BSCL2: variants seen among roughly 807,000 people sequenced by gnomAD.
BSCL2 encodes the protein BSCL2 lipid droplet biogenesis associated, seipin, also known as seipin.
In BSCL2, 41 loss-of-function variants were observed where a neutral mutation model predicts 57.4. The observed-to-expected ratio is 0.71, with a 90% CI of 0.56 to 0.93. BSCL2 has a LOEUF of 0.93. BSCL2 is among the 40% of genes least tolerant of loss of function. The probability of loss-of-function intolerance (pLI) is 0.00; values close to 1 mark genes in which losing one functional copy is unlikely to be tolerated. For synonymous variants in BSCL2, 237 were observed against 227.3 expected, an observed-to-expected ratio of 1.04 and a Z score of -0.38; for missense variants, 539 against 586.7, an observed-to-expected ratio of 0.92 and a Z score of 0.84.
intron 3 of BSCL2, among the ~76,000 whole-genome samples, chr11:62,700,530 A>G (rs1337465218): frequency 1.3e-5 from 2 of 152,164 alleles, no homozygotes; most frequent in Non-Finnish European, 2.9e-5. Flanking sequence ...AACCCCAGCT[A>G]CTTGGGAGGC....
intron 3 of BSCL2, among the ~76,000 whole-genome samples, chr11:62,695,608 G>T (rs1945432639): frequency 6.6e-6 from 1 of 150,872 alleles, no homozygotes; most frequent in Non-Finnish European, 1.5e-5. Context: ...CCACTCAGGA[G>T]GCTGAGGCAG....
At chr11:62,701,369 G>C (rs1486141262) in intron 3 of BSCL2, among the ~76,000 whole-genome samples, 1 of 152,084 alleles carries the variant, frequency 6.6e-6, no homozygotes, top group Non-Finnish European at 1.5e-5. Flanking sequence ...AGCTGAAAAC[G>C]CATTTAGTAC....
At position 62,692,803 on chromosome 11, in the gene BSCL2, G is replaced by A. The variant is rs768294248; in HGVS notation, c.631-6C>T. The A allele has an allele frequency of 6.3e-5, 102 of 1,612,662 alleles. No homozygotes were observed. Among genetic ancestry groups the A allele is most frequent in the East Asian group, 4.9e-4 (22 of 44,882 alleles). On this transcript the variant is annotated splice_region_variant and splice_polypyrimidine_tract_variant and intron_variant, in intron 4 of 10. Coordinates refer to ENST00000360796, the MANE Select transcript of BSCL2 (RefSeq NM_001122955.4). ...GAGCGGTAATGCAGCATCACCTGCC[G>A]GGGGTGGGAAGCAGAGGCTGGGGAC...
Position 62,692,301 on chromosome 11 carries a change from C to G in BSCL2, c.863+75G>C, listed in dbSNP as rs186533127. The G allele has an allele frequency of 1.4e-4, 212 of 1,483,650 alleles. 2 individuals are homozygous for G. The East Asian group carries it at 3.8e-3, about 27-fold the overall frequency. 91.9% of individuals were successfully genotyped at this position (1,483,650 alleles called of 1,614,324 possible). On this transcript the variant is annotated intron_variant, in intron 6 of 10. Transcript: ENST00000360796. ...GCTCTGCTCTGTAAACCCATTACCT[C>G]TGCTTGGGACCCTCTTGGTGGAAGG...
chr11:62,696,670 G>A (rs1175896349), intron 3 of BSCL2, among the ~76,000 whole-genome samples: 1 of 151,912 alleles, frequency 6.6e-6, no homozygotes, highest in Non-Finnish European at 1.5e-5. Flanking sequence ...TGATCTTCCT[G>A]TCTCAGCCTC....
intron 3 of BSCL2, among the ~76,000 whole-genome samples, chr11:62,699,081 T>C (rs1945559442): frequency 6.6e-6 from 1 of 152,078 alleles, no homozygotes; most frequent in Admixed American, 6.6e-5. Flanking sequence ...AATTTTTGTA[T>C]TTTTAGTAGA....
intron 3 of BSCL2, among the ~76,000 whole-genome samples, chr11:62,699,610 G>T (rs1443445710): frequency 6.6e-6 from 1 of 152,048 alleles, no homozygotes; most frequent in Middle Eastern, 3.4e-3. Flanking sequence ...GAAGGACCAG[G>T]TGGGAGGACT....
In BSCL2 at chr11:62,690,450, A is replaced by G. The variant is rs1838829766; in HGVS notation, c.1306T>C (p.Ser436Pro). The change falls in exon 11 of 11, where the codon TCT becomes CCT. Residue 436 changes from serine (S) to proline (P), a missense_variant. This residue lies in a region of BSCL2 where 248 missense variants were observed against 239.9 expected (regional missense o/e 1.03). Transcript: ENST00000360796. ...CCCAGAGTCTCTAGGACAGGGGCAG[A>G]AGCAGAAGCAGGAGCAGGAGCAGGC... ...NLPAPAPASA[S>P]APVLETLGSS... 1.9e-6 allele frequency: 3 copies of G among 1,613,970 alleles called. No individual in the cohort carries two copies. Among genetic ancestry groups the G allele is most frequent in the Non-Finnish European group, 2.5e-6 (3 of 1,179,998 alleles).
intron 3 of BSCL2, among the ~76,000 whole-genome samples, chr11:62,696,278 T>TTTTTTGTGTGTG (rs1554984017): frequency 1.1e-4 from 15 of 136,318 alleles, no homozygotes; most frequent in Admixed American, 2.3e-4. Context: ...CATAAACTTT[T>TTTTTTGTGTGTG]TGTGTGTGTG....
rs2083557960 is a variant in BSCL2 at position 62,707,328 on chromosome 11, G to A, written c.-133C>T. 1.2e-6 allele frequency: 1 copy of A among 833,684 alleles called. No homozygotes were observed. The highest frequency in any genetic ancestry group is 2.0e-6 in the Non-Finnish European group (1 of 499,440). The allele number at this position is 833,684 out of a possible 1,614,324, so 51.6% of individuals were successfully genotyped here. On this transcript the variant is annotated 5_prime_UTR_variant, in exon 1 of 11. Transcript: ENST00000360796. ...GGATATGGAAAATGGAGGGTCCCTGGGAGAGAAACGAAGATTCAGGTGCTA... is the reference window on the plus strand; with the variant it reads ...GGATATGGAAAATGGAGGGTCCCTGAGAGAGAAACGAAGATTCAGGTGCTA...
intron 3 of BSCL2, among the ~76,000 whole-genome samples, chr11:62,698,748 C>T (rs1945550290): frequency 6.6e-6 from 1 of 152,120 alleles, no homozygotes; most frequent in Non-Finnish European, 1.5e-5. Context: ...TTTATTCCTC[C>T]CTCCCTCATG....
intron 7 of BSCL2, 40 bp from the exon 8 acceptor site, chr11:62,691,181 C>T (rs368086273): frequency 1.9e-6 from 3 of 1,613,820 alleles, no homozygotes; most frequent in African/African-American, 1.3e-5. Flanking sequence ...GACTGACTTC[C>T]CTCACTAACA....
intron 7 of BSCL2, 60 bp from the exon 8 acceptor site, chr11:62,691,201 C>T: frequency 1.9e-6 from 3 of 1,613,932 alleles, no homozygotes; most frequent in Middle Eastern, 1.6e-4. Context: ...AATCAGGACC[C>T]TCATGCCTTA....
At chr11:62,708,347 A>T, upstream of BSCL2, 1 of 1,613,920 alleles carries the variant, frequency 6.2e-7, no homozygotes, top group Non-Finnish European at 8.5e-7. Context: ...GCAAGCACGC[A>T]AGATGGTGGA....
upstream of BSCL2, chr11:62,708,019 A>C: frequency 2.1e-6 from 1 of 473,356 alleles, no homozygotes. Context: ...CTGGGAACAC[A>C]CATGGTTTGA....
intron 3 of BSCL2, among the ~76,000 whole-genome samples, chr11:62,700,079 A>T (rs1273514444): frequency 9.2e-6 from 1 of 108,898 alleles, no homozygotes; most frequent in Non-Finnish European, 1.9e-5. Flanking sequence ...GTCTCTACTA[A>T]AAATTAAAAA....
chr11:62,708,309 C>T, upstream of BSCL2: 1 of 1,611,056 alleles, frequency 6.2e-7, no homozygotes, highest in Non-Finnish European at 8.5e-7. Context: ...AAAGGTGAGA[C>T]CCCGGTGAAC....
rs1349958377 is a variant in BSCL2, at chr11:62,705,338, T to A, written c.367A>T (p.Thr123Ser). ...TGCACAGGGCTGAGGTGGCTGACTG[T>A]CGGCATATAGGAATAGTAGAAGGAG... The part of the protein sequence containing the change: ...YGSFYYSYMP[T>S]VSHLSPVHFY... Residue 123 changes from threonine to serine, a missense_variant, in exon 2 of 11, where the codon ACA (threonine) becomes TCA (serine). This residue lies in a region of BSCL2 where 218 missense variants were observed against 224.8 expected (regional missense o/e 0.97). Coordinates refer to ENST00000360796, the MANE Select transcript of BSCL2 (RefSeq NM_001122955.4). The A allele has an allele frequency of 6.2e-7, 1 of 1,613,798 alleles. No homozygotes were observed. Among genetic ancestry groups the A allele is most frequent in the Admixed American group, 1.7e-5 (1 of 59,912 alleles).
At chr11:62,700,084 T>TAAAAAAAAAAAAAA (rs34412546) in intron 3 of BSCL2, among the ~76,000 whole-genome samples, 1 of 80,228 alleles carries the variant, frequency 1.2e-5, no homozygotes. Flanking sequence ...TACTAAAAAT[T>TAAAAAAAAAAAAAA]AAAAAAAAAA....
Sources: gnomAD v4.1 joint callset for allele counts (sites outside exome capture counted in the v4.1 genomes callset) on GRCh38, gnomAD v4.1.1 for gene constraint, gnomAD v4.1.1 regional missense constraint, MANE v1.5 for transcripts, NCBI Gene and HGNC (gene_info 2026-07-23, HGNC 2026-07-21) for gene names.